Variants in NEURL4 observed in about 807,000 individuals in gnomAD.
NEURL4 encodes neuralized-like protein 4.
In NEURL4, 45 loss-of-function variants were observed where a neutral mutation model predicts 148.0. That is an observed-to-expected ratio of 0.30 (90% confidence interval 0.24 to 0.39). The LOEUF is 0.39. Among genes scored for constraint, NEURL4 ranks in the 10% least tolerant of loss-of-function variants. The pLI is 1.00. For missense variants in NEURL4, 1,776 were observed against 2,144.0 expected (o/e 0.83, Z 3.39); for synonymous variants, 854 against 869.0 (o/e 0.98, Z 0.30).
intron 21 of NEURL4, 58 bp downstream of exon 21, chr17:7,320,701 G>A: frequency 1.3e-6 from 2 of 1,512,294 alleles, no homozygotes; most frequent in South Asian, 1.2e-5. Flanking sequence ...TTTTCAGGGG[G>A]GTTGGCCATG....
Position 7,321,553 on chromosome 17 carries a change from AC to A in NEURL4, c.3099+6del, listed in dbSNP as rs2073034520. 1.2e-6 allele frequency: 2 copies of A among 1,613,474 alleles called. No individual in the cohort carries two copies. Among genetic ancestry groups the A allele is most frequent in the Non-Finnish European group, 1.7e-6 (2 of 1,179,830 alleles). ...CCCTCCCCTGTCCCTGGAGCCAGCC[AC>A]TTCACCCCCAGCCTCTCTAGGTTCC... On this transcript the variant is annotated splice_donor_region_variant and intron_variant, in intron 18 of 28. Transcript: ENST00000399464. The surrounding 1 kb of genome is among the most constrained non-coding windows in gnomAD (Gnocchi z 6.3).
intron 7 of NEURL4, 78 bp from the exon 8 acceptor site, chr17:7,325,551 A>C: frequency 6.3e-7 from 1 of 1,588,262 alleles, no homozygotes; most frequent in South Asian, 1.1e-5. Context: ...GAGGCCAAGC[A>C]CCAAAGAGAA....
rs1462000932 is a variant in NEURL4, at chr17:7,321,122, T to C, written c.3350A>G (p.His1117Arg). The change falls in exon 20 of 29, where the codon CAT (histidine) becomes CGT (arginine). Residue 1117 changes from histidine to arginine, a missense_variant. Coordinates refer to ENST00000399464, the MANE Select transcript of NEURL4 (RefSeq NM_032442.3). This position sits in a 1 kb window ranked among gnomAD's most constrained non-coding sequence, Gnocchi z 6.3. ...EGEEDDEGEE[H>R]GLGGQNEVGI... ...GCTGCAGCCTCTTACTCCCAGGCCA[T>C]GCTCCTCGCCCTCGTCATCCTCCTC... The C allele has an allele frequency of 1.2e-6, 2 of 1,613,696 alleles. No homozygotes were observed. The highest frequency in any genetic ancestry group is 1.7e-5 in the Admixed American group (1 of 60,008).
At position 7,326,361 on chromosome 17, in the gene NEURL4, C is replaced by T; in HGVS notation, c.1205-18G>A. The T allele has an allele frequency of 6.2e-7, 1 of 1,614,130 alleles. No homozygotes were observed. The highest frequency in any genetic ancestry group is 2.2e-5 in the East Asian group (1 of 44,872). On this transcript the variant is annotated intron_variant, in intron 5 of 28. Coordinates refer to ENST00000399464, the MANE Select transcript of NEURL4 (RefSeq NM_032442.3). The surrounding 1 kb of genome is among the most constrained non-coding windows in gnomAD (Gnocchi z 6.0). The stretch of plus-strand genomic sequence containing the variant: ...GATGGTGCCTGGGTGATAGTGGACA[C>T]TTGGGTTCGGGTACGGGGCTTCCTT...
In NEURL4 at chr17:7,320,824, C is replaced by T. The variant is rs1366507899; in HGVS notation, c.3460G>A (p.Val1154Met). Reference protein sequence around the residue: ...LSNGNRTATRVASYNQGIVVI... With the variant: ...LSNGNRTATRMASYNQGIVVI... ...ACGATGCCCTGATTGTAGCTGGCCACCCGTGTGGCCGTACGGTTCCCATTA... is the reference window on the plus strand; with the variant it reads ...ACGATGCCCTGATTGTAGCTGGCCATCCGTGTGGCCGTACGGTTCCCATTA... The change falls in exon 21 of 29, where the codon GTG becomes ATG. Residue 1154 changes from valine to methionine, a missense_variant. Transcript: ENST00000399464. 6.2e-7 allele frequency: 1 copy of T among 1,613,988 alleles called. No individual in the cohort carries two copies. The highest frequency in any genetic ancestry group is 8.5e-7 in the Non-Finnish European group (1 of 1,180,016).
chr17:7,319,676 G>T (rs112355315), intron 21 of NEURL4, among the ~76,000 whole-genome samples: 3,734 of 142,344 alleles, frequency 0.026, 148 homozygotes, highest in African/African-American at 0.087. Flanking sequence ...CTCTAGCCTG[G>T]GCGACAAGAG....
rs1048370997 is a variant in NEURL4 at position 7,321,056 on chromosome 17, A to C, written c.3360+56T>G. 3 of 1,598,800 alleles carry C rather than the reference A, an allele frequency of 1.9e-6. No individual in the cohort carries two copies. The highest frequency in any genetic ancestry group is 1.7e-6 in the Non-Finnish European group (2 of 1,170,482). On this transcript the variant is annotated intron_variant, in intron 20 of 28. Transcript: ENST00000399464. This position sits in a 1 kb window ranked among gnomAD's most constrained non-coding sequence, Gnocchi z 6.3. ...AGAACCCAGAAAAGGCCTGGCATCCAACGGCCCAGCAACTGCCCATCCATG... is the reference window on the plus strand; with the variant it reads ...AGAACCCAGAAAAGGCCTGGCATCCCACGGCCCAGCAACTGCCCATCCATG...
intron 28 of NEURL4, 116 bp downstream of exon 28, chr17:7,317,089 G>C: frequency 3.1e-6 from 2 of 654,086 alleles, no homozygotes; most frequent in Non-Finnish European, 4.8e-6. Context: ...GAGACTGGCA[G>C]CTAGCAAGAC....
In NEURL4 at chr17:7,317,836, G is replaced by C. The variant is rs200321218; in HGVS notation, c.4157C>G (p.Pro1386Arg). ...AAAGGGCAGTGCATATTCCCGGGGAGGCTCCCCTCTGCGCCTGTGGGCCTC... is the reference window on the plus strand; with the variant it reads ...AAAGGGCAGTGCATATTCCCGGGGACGCTCCCCTCTGCGCCTGTGGGCCTC... ...GDEAHRRRGE[P>R]PREYALPFGW... The change falls in exon 26 of 29, where the codon CCT (proline) becomes CGT (arginine). Residue 1386 changes from proline (P) to arginine (R), a missense_variant. Pro to Arg is a moderately radical substitution (Grantham distance 103). Coordinates refer to ENST00000399464, the MANE Select transcript of NEURL4 (RefSeq NM_032442.3). 1 of 1,614,086 alleles carries C rather than the reference G, an allele frequency of 6.2e-7. No individual in the cohort carries two copies. Among genetic ancestry groups the C allele is most frequent in the African/African-American group, 1.3e-5 (1 of 75,064 alleles).
Position 7,320,754 on chromosome 17 carries a change from C to T in NEURL4, c.3525+5G>A. On this transcript the variant is annotated splice_donor_5th_base_variant and intron_variant, in intron 21 of 28. Coordinates refer to ENST00000399464, the MANE Select transcript of NEURL4 (RefSeq NM_032442.3). Reference sequence around the variant, plus strand: ...AGAAGCTGGGGATAGGGAGGGAGAACCCACCTGCACCAGCAGCTGGGGCAC... The same window carrying T: ...AGAAGCTGGGGATAGGGAGGGAGAATCCACCTGCACCAGCAGCTGGGGCAC... 6 of 1,611,300 alleles carry T rather than the reference C, an allele frequency of 3.7e-6. No individual in the cohort carries two copies. The highest frequency in any genetic ancestry group is 5.1e-6 in the Non-Finnish European group (6 of 1,178,362).
chr17:7,324,115 G>A lies in NEURL4; in HGVS notation c.2055C>T (p.Asp685=), dbSNP rs200135595. 72 of 1,612,768 alleles carry A rather than the reference G, an allele frequency of 4.5e-5. No individual in the cohort carries two copies. The highest frequency in any genetic ancestry group is 5.5e-5 in the Non-Finnish European group (65 of 1,179,944). ...YGQAAQATIV[D]DVEVAPVPEP... ...GCCCAGCCCGGCCCTCACCCACGTCGTCCACAATGGTGGCCTGGGCCGCCT... is the reference window on the plus strand; with the variant it reads ...GCCCAGCCCGGCCCTCACCCACGTCATCCACAATGGTGGCCTGGGCCGCCT... The change falls in exon 11 of 29, where the codon GAC becomes GAT. Residue 685 remains aspartate (D), a synonymous_variant. Transcript: ENST00000399464. This position sits in a 1 kb window ranked among gnomAD's most constrained non-coding sequence, Gnocchi z 5.9.
At position 7,329,241 on chromosome 17, in the gene NEURL4, G is replaced by GCCCCCCCCCC; in HGVS notation, c.71_72insGGGGGGGGGG (p.Pro25GlyfsTer50). The GCCCCCCCCCC allele has an allele frequency of 6.7e-7, 1 of 1,481,508 alleles. No individual in the cohort carries two copies. The highest frequency in any genetic ancestry group is 9.0e-7 in the Non-Finnish European group (1 of 1,116,070). 91.8% of individuals were successfully genotyped at this position (1,481,508 alleles called of 1,614,324 possible). ...CCGGTCCTGAGCCGCTCCCGCTGGG[G>GCCCCCCCCCC]CCCCCACCCCCGCCCGGCCCCGGTC... On this transcript the variant is annotated frameshift_variant, in exon 1 of 29. Coordinates refer to ENST00000399464, the MANE Select transcript of NEURL4 (RefSeq NM_032442.3). LOFTEE classifies it high-confidence loss of function.
chr17:7,326,963 C>G lies in NEURL4; in HGVS notation c.840G>C (p.Leu280=), dbSNP rs755062352. The change falls in exon 4 of 29, where the codon CTG becomes CTC. Residue 280 remains leucine, a synonymous_variant. Coordinates refer to ENST00000399464, the MANE Select transcript of NEURL4 (RefSeq NM_032442.3). The surrounding 1 kb of genome is among the most constrained non-coding windows in gnomAD (Gnocchi z 6.0). ...ELSEVVSNTI[L]SAYNGGLLNV... ...TCAGGAGCCCTCCATTGTAGGCAGA[C>G]AGGATGGTGTTGCTCACCACCTCAG... 1.2e-6 allele frequency: 2 copies of G among 1,613,328 alleles called. No individual in the cohort carries two copies. Among genetic ancestry groups the G allele is most frequent in the Admixed American group, 1.7e-5 (1 of 60,006 alleles).
At chr17:7,320,689 T>C in intron 21 of NEURL4, 70 bp downstream of exon 21, 1 of 1,472,848 alleles carries the variant, frequency 6.8e-7, no homozygotes, top group Non-Finnish European at 9.2e-7. Flanking sequence ...CAAAAAGGCC[T>C]TTTTTCAGGG....
rs1490800688 is a variant in NEURL4 at position 7,327,559 on chromosome 17, G to C, written c.608C>G (p.Thr203Ser). ...GAAGCCTGGCTCAGGGGGTAGCACG[G>C]TGATCTGGGTGCACTTGCCATAAAG... ...VDLYGKCTQI[T>S]VLPPEPGFSP... The change falls in exon 2 of 29, where the codon ACC becomes AGC. Residue 203 changes from threonine (T) to serine (S), a missense_variant. Physicochemically the swap from Thr to Ser is moderately conservative, Grantham distance 58 (BLOSUM62 1). Transcript: ENST00000399464. The surrounding 1 kb of genome is among the most constrained non-coding windows in gnomAD (Gnocchi z 6.6). 6.2e-7 allele frequency: 1 copy of C among 1,610,790 alleles called. No individual in the cohort carries two copies.
Position 7,327,999 on chromosome 17 carries a change from T to A in NEURL4, c.283-115A>T. On this transcript the variant is annotated intron_variant, in intron 1 of 28. Transcript: ENST00000399464. The surrounding 1 kb of genome is among the most constrained non-coding windows in gnomAD (Gnocchi z 6.6). ...GGCTTTCTGTCTCTTGGAACACTAA[T>A]CCAGAGATGCAGACAGTGATTTTCT... 1.3e-6 allele frequency: 1 copy of A among 780,948 alleles called. No individual in the cohort carries two copies. Among genetic ancestry groups the A allele is most frequent in the Admixed American group, 2.9e-5 (1 of 34,794 alleles). 48.4% of individuals were successfully genotyped at this position (780,948 alleles called of 1,614,324 possible). A position where few individuals can be genotyped will look rare whatever the true frequency, so the allele number is the denominator to read the frequency against.
chr17:7,321,993 G>A lies in NEURL4; in HGVS notation c.2743C>T (p.Arg915Ter). 6.2e-7 allele frequency: 1 copy of A among 1,608,376 alleles called. No individual in the cohort carries two copies. Among genetic ancestry groups the A allele is most frequent in the Non-Finnish European group, 8.5e-7 (1 of 1,178,118 alleles). The part of the protein sequence containing the change: ...LHSPVAGVAH[R>*]FHSTCGKNVT... The stretch of plus-strand genomic sequence containing the variant: ...TTCTTGCCGCAAGTACTGTGGAATC[G>A]GTGAGCCACGCCAGCCACTGTGAAG... The change falls in exon 17 of 29, where the codon CGA (arginine) becomes TGA (stop). Residue 915 changes from arginine to a stop codon, truncating the protein, a stop_gained. Transcript: ENST00000399464. LOFTEE classifies it high-confidence loss of function. The surrounding 1 kb of genome is among the most constrained non-coding windows in gnomAD (Gnocchi z 6.3).
At position 7,329,153 on chromosome 17, in the gene NEURL4, G is replaced by A. The variant is rs753049886; in HGVS notation, c.160C>T (p.Leu54=). The change falls in exon 1 of 29, where the codon CTG becomes TTG. Residue 54 remains leucine (L), a synonymous_variant. Coordinates refer to ENST00000399464, the MANE Select transcript of NEURL4 (RefSeq NM_032442.3). ...CGCGCCGTACGCCCACAGGCCGACA[G>A]GCTCACCAAGCGCCCAGTGCGCGGG... ...LHPRTGRLVS[L]SACGRTARRQ... The A allele has an allele frequency of 3.1e-6, 5 of 1,607,130 alleles. No homozygotes were observed. Among genetic ancestry groups the A allele is most frequent in the African/African-American group, 1.3e-5 (1 of 74,850 alleles).
chr17:7,316,634 T>A (rs2072949623), intron 28 of NEURL4, among the ~76,000 whole-genome samples: 1 of 152,182 alleles, frequency 6.6e-6, no homozygotes, highest in African/African-American at 2.4e-5. Context: ...CCTTTAAAAA[T>A]ACTAAATACT....
Sources: gnomAD v4.1 joint callset for allele counts (sites outside exome capture counted in the v4.1 genomes callset) on GRCh38, gnomAD v4.1.1 for gene constraint, Gnocchi (gnomAD v3.1) non-coding constraint, MANE v1.5 for transcripts, NCBI Gene and HGNC (gene_info 2026-07-23, HGNC 2026-07-21) for gene names.